GPM6B: variants seen among roughly 807,000 people sequenced by gnomAD.
GPM6B encodes glycoprotein M6B.
In GPM6B, 4 loss-of-function variants were observed where a neutral mutation model predicts 27.2. That is an observed-to-expected ratio of 0.15 (90% CI 0.07 to 0.34). The LOEUF is 0.34. GPM6B is among the 10% of genes least tolerant of loss of function. GPM6B has a pLI of 1.00. For synonymous variants in GPM6B, 124 were observed against 103.1 expected (o/e 1.20, Z -1.23); for missense variants, 183 against 261.9 (o/e 0.70, Z 2.08).
At chrX:13,894,129 T>G (rs1335529996) in intron 1 of GPM6B, among the ~76,000 whole-genome samples, 3 of 111,914 alleles carry the variant, frequency 2.7e-5, no homozygotes, top group Non-Finnish European at 5.6e-5. Flanking sequence ...CTAGGACATC[T>G]CAGGGAACAA....
intron 1 of GPM6B, among the ~76,000 whole-genome samples, chrX:13,895,599 A>G (rs2050225399): frequency 8.9e-6 from 1 of 112,051 alleles, no homozygotes; most frequent in Admixed American, 9.5e-5. Context: ...ATTCAACAGT[A>G]AAGTATGTTT....
intron 1 of GPM6B, among the ~76,000 whole-genome samples, chrX:13,862,880 A>G (rs1266330771): frequency 9.8e-6 from 1 of 102,038 alleles, no homozygotes; most frequent in East Asian, 3.0e-4. Flanking sequence ...TTTTTTCTGT[A>G]GAGATGGGGT....
At chrX:13,885,023 T>C (rs1195616985) in intron 1 of GPM6B, among the ~76,000 whole-genome samples, 1 of 111,902 alleles carries the variant, frequency 8.9e-6, no homozygotes, top group Admixed American at 9.5e-5. Context: ...CATCTCTATA[T>C]ATTCTTCATA....
chrX:13,836,890 T>C (rs1308324071), intron 1 of GPM6B, among the ~76,000 whole-genome samples: 2 of 112,159 alleles, frequency 1.8e-5, no homozygotes, highest in East Asian at 5.6e-4. Context: ...AAAACTGAGC[T>C]AAGGAGTGCT....
At chrX:13,923,626 C>G (rs1364897037) in intron 1 of GPM6B, among the ~76,000 whole-genome samples, 1 of 112,110 alleles carries the variant, frequency 8.9e-6, no homozygotes, top group African/African-American at 3.2e-5. Context: ...TTGAATTGAC[C>G]AAGGAAATTT....
intron 2 of GPM6B, among the ~76,000 whole-genome samples, chrX:13,794,480 G>A (rs1291657515): frequency 9.0e-6 from 1 of 111,723 alleles, no homozygotes; most frequent in African/African-American, 3.3e-5. Context: ...CTCAAAGACG[G>A]TCTGTGCAGC....
At chrX:13,774,006 C>CA (rs1170210947) in intron 7 of GPM6B, 1 of 127,250 alleles carries the variant, frequency 7.9e-6, no homozygotes, top group Non-Finnish European at 9.7e-6. Context: ...CCTTTTTCTT[C>CA]AAATTTTCAT....
At chrX:13,802,796 G>A (rs1030592116) in intron 2 of GPM6B, among the ~76,000 whole-genome samples, 1 of 111,689 alleles carries the variant, frequency 9.0e-6, no homozygotes, top group East Asian at 2.8e-4. Context: ...AATATCTTGA[G>A]TAACTGGAAG....
At chrX:13,785,559 A>G in intron 3 of GPM6B, 63 bp downstream of exon 3, 4 of 1,066,767 alleles carry the variant, frequency 3.7e-6, no homozygotes, top group Non-Finnish European at 5.2e-6. Flanking sequence ...AATTGCTGGG[A>G]TGACAGGCAT....
At chrX:13,855,271 G>C (rs753155200) in intron 1 of GPM6B, among the ~76,000 whole-genome samples, 12 of 112,392 alleles carry the variant, frequency 1.1e-4, no homozygotes, top group Non-Finnish European at 2.1e-4. Context: ...TGCCCACCTT[G>C]GTCTCTCAAA....
chrX:13,814,357 A>G (rs921176512), intron 1 of GPM6B, among the ~76,000 whole-genome samples: 40 of 112,062 alleles, frequency 3.6e-4, no homozygotes, highest in African/African-American at 1.2e-3. Context: ...GAAACACAGG[A>G]AAAAAAATAT....
At chrX:13,805,742 T>G (rs1039921779) in intron 2 of GPM6B, among the ~76,000 whole-genome samples, 5 of 111,892 alleles carry the variant, frequency 4.5e-5, no homozygotes, top group Non-Finnish European at 7.5e-5. Context: ...CAATAAGATA[T>G]TGTGTTTATT....
intron 1 of GPM6B, among the ~76,000 whole-genome samples, chrX:13,887,680 TG>T (rs2050150362): frequency 8.9e-6 from 1 of 111,861 alleles, no homozygotes; most frequent in South Asian, 3.7e-4. Context: ...CCATTTGCAA[TG>T]GAGGGAGAAA....
intron 2 of GPM6B, among the ~76,000 whole-genome samples, chrX:13,789,585 C>T (rs1366486114): frequency 1.8e-5 from 2 of 110,913 alleles, no homozygotes; most frequent in Non-Finnish European, 3.8e-5. Context: ...ACCATCCTGG[C>T]TAACACGGTG....
chrX:13,857,625 T>C (rs1385788711), intron 1 of GPM6B, among the ~76,000 whole-genome samples: 2 of 112,597 alleles, frequency 1.8e-5, no homozygotes, highest in Non-Finnish European at 3.8e-5. Context: ...ATGTTTTACA[T>C]AACTCAATAG....
At chrX:13,880,447 G>A (rs1228480390) in intron 1 of GPM6B, among the ~76,000 whole-genome samples, 3 of 110,471 alleles carry the variant, frequency 2.7e-5, no homozygotes, top group Non-Finnish European at 5.7e-5. Context: ...AGGCCGAGGC[G>A]GGCGGGTCAC....
chrX:13,923,476 C>T (rs1603142788), intron 1 of GPM6B, among the ~76,000 whole-genome samples: 1 of 112,632 alleles, frequency 8.9e-6, no homozygotes. Flanking sequence ...TCTCATTTGA[C>T]AGCTGAACAA....
upstream of GPM6B, among the ~76,000 whole-genome samples, chrX:13,821,739 G>A (rs749091754): frequency 9.0e-6 from 1 of 111,278 alleles, no homozygotes; most frequent in South Asian, 3.9e-4. Flanking sequence ...TGGGATTACA[G>A]GCATGCACCA....
chrX:13,888,729 G>GA (rs886135040), intron 1 of GPM6B, among the ~76,000 whole-genome samples: 33 of 110,255 alleles, frequency 3.0e-4, no homozygotes, highest in South Asian at 1.6e-3. Context: ...AAATGAAGTA[G>GA]AAAAAAAATG....
Sources: gnomAD v4.1 joint callset for allele counts (sites outside exome capture counted in the v4.1 genomes callset) on GRCh38, gnomAD v4.1.1 for gene constraint, MANE v1.5 for transcripts, NCBI Gene and HGNC (gene_info 2026-07-23, HGNC 2026-07-21) for gene names.